WDFY3: variants seen among roughly 807,000 people sequenced by gnomAD.
WDFY3 encodes WD repeat and FYVE domain containing 3.
In WDFY3, 66 loss-of-function variants were observed where a neutral mutation model predicts 409.6. That is an observed-to-expected ratio of 0.16 (90% confidence interval 0.13 to 0.20). The LOEUF (loss-of-function observed/expected upper bound fraction) is 0.20, where lower values mean the gene tolerates loss of function less well. Among genes scored for constraint, WDFY3 ranks in the 10% least tolerant of loss-of-function variants. The pLI is 1.00. For synonymous variants in WDFY3, 1,521 were observed against 1,537.1 expected (o/e 0.99, Z 0.25); for missense variants, 3,031 against 4,298.1 (o/e 0.71, Z 8.24).
In WDFY3 at chr4:84,787,659, C is replaced by CTA; in HGVS notation, c.3723_3724insTA (p.Val1242Ter). The stretch of plus-strand genomic sequence containing the variant: ...CCAATGTAGGCATAGACCGTGCTCA[C>CTA]CACTGGTGGATTTGCCGAACCTGAA... On this transcript the variant is annotated frameshift_variant, in exon 23 of 68. Transcript: ENST00000295888. LOFTEE classifies it high-confidence loss of function. 6.2e-7 allele frequency: 1 copy of CTA among 1,614,114 alleles called. No individual in the cohort carries two copies. The highest frequency in any genetic ancestry group is 8.5e-7 in the Non-Finnish European group (1 of 1,179,994).
chr4:84,853,836 G>C (rs1023564500), intron 4 of WDFY3, among the ~76,000 whole-genome samples: 5 of 152,126 alleles, frequency 3.3e-5, no homozygotes, highest in African/African-American at 1.2e-4. Flanking sequence ...AATCTGAAAT[G>C]AACAAGCATT....
chr4:84,709,783 G>A (rs1263825175), intron 51 of WDFY3, among the ~76,000 whole-genome samples: 2 of 152,244 alleles, frequency 1.3e-5, no homozygotes, highest in African/African-American at 4.8e-5. Context: ...CTGGATTGCA[G>A]TGGCATGGTC....
intron 27 of WDFY3, among the ~76,000 whole-genome samples, chr4:84,775,503 T>C (rs1745399188): frequency 6.6e-6 from 1 of 151,732 alleles, no homozygotes; most frequent in African/African-American, 2.4e-5. Flanking sequence ...GCATTAATAG[T>C]AGATGAGATA....
chr4:84,906,054 C>A (rs1211466517), intron 2 of WDFY3, among the ~76,000 whole-genome samples: 1 of 152,138 alleles, frequency 6.6e-6, no homozygotes, highest in East Asian at 1.9e-4. Context: ...TAGTTGTCTA[C>A]CAGATTATGA....
intron 67 of WDFY3, among the ~76,000 whole-genome samples, chr4:84,675,015 G>A (rs946449191): frequency 7.9e-5 from 12 of 151,678 alleles, no homozygotes; most frequent in Non-Finnish European, 1.6e-4. Context: ...TGCTCAGGCT[G>A]GATGGAGTGC....
At chr4:84,880,488 G>C (rs1578955141) in intron 3 of WDFY3, among the ~76,000 whole-genome samples, 1 of 151,250 alleles carries the variant, frequency 6.6e-6, no homozygotes, top group Non-Finnish European at 1.5e-5. Context: ...GCATTATCTG[G>C]TTGGAATTAT....
At chr4:84,941,706 T>C (rs535300356) in intron 1 of WDFY3, among the ~76,000 whole-genome samples, 53 of 151,932 alleles carry the variant, frequency 3.5e-4, no homozygotes, top group African/African-American at 1.3e-3. Flanking sequence ...AAAAAAGAAA[T>C]CAAGAATAGT....
At chr4:84,848,034 AT>A (rs1376825855) in intron 5 of WDFY3, among the ~76,000 whole-genome samples, 1 of 151,834 alleles carries the variant, frequency 6.6e-6, no homozygotes, top group Admixed American at 6.6e-5. Flanking sequence ...AGATAAGAAA[AT>A]GAGAGGAACA....
intron 5 of WDFY3, 55 bp from the exon 6 acceptor site, chr4:84,841,318 T>A: frequency 6.8e-7 from 1 of 1,467,398 alleles, no homozygotes; most frequent in Non-Finnish European, 9.4e-7. Flanking sequence ...TATAAAGAGG[T>A]TCTTCTTTAA....
intron 1 of WDFY3, among the ~76,000 whole-genome samples, chr4:84,934,640 G>C (rs1561110516): frequency 1.3e-5 from 2 of 152,046 alleles, no homozygotes; most frequent in Non-Finnish European, 1.5e-5. Flanking sequence ...TCAGATTATA[G>C]CTTATCTTTT....
chr4:84,717,908 C>T (rs975533321), intron 48 of WDFY3, among the ~76,000 whole-genome samples: 15 of 151,482 alleles, frequency 9.9e-5, no homozygotes, highest in African/African-American at 3.4e-4. Flanking sequence ...ATTAGCCTGG[C>T]GTGGTGGCGG....
At chr4:84,687,382 A>T (rs1272564332) in intron 62 of WDFY3, among the ~76,000 whole-genome samples, 2 of 152,116 alleles carry the variant, frequency 1.3e-5, no homozygotes, top group African/African-American at 4.8e-5. Context: ...ACCTCAAATG[A>T]TCCGCCTGCA....
intron 60 of WDFY3, 100 bp from the exon 61 acceptor site, chr4:84,690,764 C>G (rs961987971): frequency 1.4e-5 from 19 of 1,338,340 alleles, no homozygotes; most frequent in Non-Finnish European, 1.1e-5. Flanking sequence ...GGCACCTCAC[C>G]AGCAAATAGC....
chr4:84,912,112 T>C (rs1235584527), intron 2 of WDFY3, among the ~76,000 whole-genome samples: 13 of 152,312 alleles, frequency 8.5e-5, no homozygotes, highest in Admixed American at 4.6e-4. Flanking sequence ...ATATTTTTCA[T>C]CATGTTTAGC....
chr4:84,784,037 A>C (rs1303563932), intron 24 of WDFY3, among the ~76,000 whole-genome samples: 1 of 152,118 alleles, frequency 6.6e-6, no homozygotes, highest in Non-Finnish European at 1.5e-5. Context: ...CCCCATAGTC[A>C]GTCCTCACTT....
chr4:84,786,530 T>C (rs1747580530), intron 23 of WDFY3, among the ~76,000 whole-genome samples: 1 of 152,192 alleles, frequency 6.6e-6, no homozygotes, highest in Non-Finnish European at 1.5e-5. Context: ...AGCACTCAGA[T>C]ATGCCTGCCT....
intron 1 of WDFY3, 143 bp from the exon 2 acceptor site, chr4:84,932,506 G>T (rs1181055329): frequency 2.0e-5 from 3 of 152,072 alleles, no homozygotes; most frequent in African/African-American, 7.2e-5. Flanking sequence ...ATTTAAAATA[G>T]ATTAAATTTG....
chr4:84,721,078 G>GA (rs1734790623), intron 47 of WDFY3, among the ~76,000 whole-genome samples: 1 of 152,152 alleles, frequency 6.6e-6, no homozygotes, highest in Non-Finnish European at 1.5e-5. Flanking sequence ...TGGAGATGTA[G>GA]AAAAAAATAC....
intron 49 of WDFY3, among the ~76,000 whole-genome samples, chr4:84,715,673 G>A (rs988380076): frequency 2.0e-5 from 3 of 151,096 alleles, no homozygotes; most frequent in Non-Finnish European, 2.9e-5. Flanking sequence ...TACTCGGGAG[G>A]CTGAGGCAGG....
Sources: gnomAD v4.1 joint callset for allele counts (sites outside exome capture counted in the v4.1 genomes callset) on GRCh38, gnomAD v4.1.1 for gene constraint, MANE v1.5 for transcripts, NCBI Gene and HGNC (gene_info 2026-07-23, HGNC 2026-07-21) for gene names.